Variants in GPRIN2 observed in about 807,000 individuals in gnomAD.
The protein encoded by GPRIN2 is G protein-regulated inducer of neurite outgrowth 2.
A neutral mutation model predicts 0.3 loss-of-function variants in GPRIN2; 1 was observed. The observed-to-expected ratio is 3.90, with a 90% confidence interval of 1.39 to 18.51. GPRIN2 has a LOEUF of 18.51. Among genes scored for constraint, GPRIN2 ranks in the 30% most tolerant of loss-of-function variants. GPRIN2 has a pLI of 0.11. For missense variants in GPRIN2, 880 were observed against 604.2 expected (o/e 1.46, Z -4.79); for synonymous variants, 361 against 258.6 (o/e 1.40, Z -3.80).
Position 46,546,970 on chromosome 10 carries a change from C to T in GPRIN2, c.*2390G>A, listed in dbSNP as rs1410689490. 3.3e-5 allele frequency among the ~76,000 whole-genome samples: 5 copies of T among 152,310 alleles called. No individual in the cohort carries two copies. The highest frequency in any genetic ancestry group is 1.9e-4 in the East Asian group (1 of 5,206). On this transcript the variant is annotated 3_prime_UTR_variant, in exon 3 of 3. Coordinates refer to ENST00000374314, the MANE Select transcript of GPRIN2 (RefSeq NM_001385282.1). ...AAGCCAGGGCAGCATGGAGGTAGCACAGAGTGGCACCCAGCCAGCGTGAAT... is the reference window on the plus strand; with the variant it reads ...AAGCCAGGGCAGCATGGAGGTAGCATAGAGTGGCACCCAGCCAGCGTGAAT...
In GPRIN2 at chr10:46,544,254, A is replaced by G. The variant is rs1452734992; in HGVS notation, c.*5106T>C. Among the ~76,000 whole-genome samples, 2 of 152,304 alleles carry G rather than the reference A, an allele frequency of 1.3e-5. No homozygotes were observed. The highest frequency in any genetic ancestry group is 4.8e-5 in the African/African-American group (2 of 41,488). ...CAGCCTTTCATAATACAAGATGGACAGGAAAGAGGCCAAGGGCAGGCAGTT... is the reference window on the plus strand; with the variant it reads ...CAGCCTTTCATAATACAAGATGGACGGGAAAGAGGCCAAGGGCAGGCAGTT... On this transcript the variant is annotated 3_prime_UTR_variant, in exon 3 of 3. Coordinates refer to ENST00000374314, the MANE Select transcript of GPRIN2 (RefSeq NM_001385282.1).
Position 46,549,605 on chromosome 10 carries a change from G to A in GPRIN2, c.1132C>T (p.Pro378Ser), listed in dbSNP as rs1832660934. The change falls in exon 3 of 3, where the codon CCT becomes TCT. Residue 378 changes from proline (P) to serine (S), a missense_variant. Pro to Ser is a moderately conservative substitution (Grantham distance 74, BLOSUM62 -1). Coordinates refer to ENST00000374314, the MANE Select transcript of GPRIN2 (RefSeq NM_001385282.1). ...LGSSLEEVPSPVRDVRWDAEG... is the reference protein window; with the variant it reads ...LGSSLEEVPSSVRDVRWDAEG... ...GCATCCCATCGCACATCCCGCACAG[G>A]GGACGGCACCTCCTCCAGGCTGGAC... 11 of 1,614,060 alleles carry A rather than the reference G, an allele frequency of 6.8e-6. No homozygotes were observed. The highest frequency in any genetic ancestry group is 1.3e-5 in the African/African-American group (1 of 74,960).
chr10:46,551,004 G>A (rs1842537911), intron 2 of GPRIN2, among the ~76,000 whole-genome samples: 3 of 152,312 alleles, frequency 2.0e-5, no homozygotes, highest in African/African-American at 7.2e-5. Context: ...GCCCTAGGGT[G>A]GGGTCCTGGA....
chr10:46,557,050 T>G (rs1831761733), upstream of GPRIN2, among the ~76,000 whole-genome samples: 1,184 of 148,900 alleles, frequency 8.0e-3, no homozygotes, highest in African/African-American at 0.027. Flanking sequence ...CAGTTCCCCC[T>G]CCGCACCACG....
rs1460056647 is a variant in GPRIN2, at chr10:46,547,830, A to G, written c.*1530T>C. Among the ~76,000 whole-genome samples, 3 of 152,304 alleles carry G rather than the reference A, an allele frequency of 2.0e-5. No individual in the cohort carries two copies. The South Asian group carries it at 6.2e-4, about 31-fold the overall frequency. ...GTGCACCTATGCATATGGGAAAGGC[A>G]TGTTTACGGGTGAGAATGGTCCATC... On this transcript the variant is annotated 3_prime_UTR_variant, in exon 3 of 3. Transcript: ENST00000374314.
chr10:46,552,841 C>T (rs1832090110), intron 2 of GPRIN2, among the ~76,000 whole-genome samples: 20 of 152,400 alleles, frequency 1.3e-4, no homozygotes, highest in East Asian at 3.9e-4. Flanking sequence ...AGCTGCTTCA[C>T]GGGGCTGAAG....
At position 46,547,832 on chromosome 10, in the gene GPRIN2, G is replaced by A. The variant is rs1182173738; in HGVS notation, c.*1528C>T. Among the ~76,000 whole-genome samples, 1 of 152,308 alleles carries A rather than the reference G, an allele frequency of 6.6e-6. No homozygotes were observed. The highest frequency in any genetic ancestry group is 1.5e-5 in the Non-Finnish European group (1 of 68,058). ...GCACCTATGCATATGGGAAAGGCAT[G>A]TTTACGGGTGAGAATGGTCCATCGT... On this transcript the variant is annotated 3_prime_UTR_variant, in exon 3 of 3. Transcript: ENST00000374314.
chr10:46,551,468 G>T (rs1565205575), intron 2 of GPRIN2: 1 of 985,412 alleles, frequency 1.0e-6, no homozygotes. Context: ...TTCCATGAGG[G>T]ACTCATTCAG....
At position 46,547,982 on chromosome 10, in the gene GPRIN2, T is replaced by C. The variant is rs1555015427; in HGVS notation, c.*1378A>G. Among the ~76,000 whole-genome samples, 4 of 152,298 alleles carry C rather than the reference T, an allele frequency of 2.6e-5. No homozygotes were observed. ...CATGAGTCATTTCCACCTCAATGAG[T>C]ACCAGGTCCTTGAGGATGGGGAAAA... On this transcript the variant is annotated 3_prime_UTR_variant, in exon 3 of 3. Transcript: ENST00000374314.
At position 46,550,624 on chromosome 10, in the gene GPRIN2, T is replaced by A. The variant is rs1832300953; in HGVS notation, c.113A>T (p.Glu38Val). ...LLGEGREQRP[E>V]LRKTASSTVW... is the part of the protein sequence containing the mutation. ...GGTGCTGCTGGCAGTCTTGCGGAGC[T>A]CTGGCCTCTGTTCCCGGCCTTCACC... is the stretch of plus-strand genomic sequence containing the variant. The change falls in exon 3 of 3, where the codon GAG becomes GTG. Residue 38 changes from glutamate (E) to valine (V), a missense_variant. Transcript: ENST00000374314. The A allele has an allele frequency of 6.3e-7, 1 of 1,578,850 alleles. No individual in the cohort carries two copies. Among genetic ancestry groups the A allele is most frequent in the South Asian group, 1.2e-5 (1 of 84,526 alleles).
rs1842492258 is a variant in GPRIN2, at chr10:46,550,412, G to A, written c.325C>T (p.Leu109=). The change falls in exon 3 of 3, where the codon CTG becomes TTG. Residue 109 remains leucine (L), a synonymous_variant. Transcript: ENST00000374314. ...STMGGSDLCR[L]RAPSAAAMQR... ...ATAGCAGCAGCACTAGGGGCCCGCA[G>A]GCGACACAGGTCACTGCCGCCCATG... is the stretch of plus-strand genomic sequence containing the variant. The A allele has an allele frequency of 1.2e-6, 2 of 1,611,718 alleles. No homozygotes were observed. The highest frequency in any genetic ancestry group is 8.5e-7 in the Non-Finnish European group (1 of 1,179,660).
At chr10:46,552,761 G>A (rs1029675410) in intron 2 of GPRIN2, among the ~76,000 whole-genome samples, 7 of 152,424 alleles carry the variant, frequency 4.6e-5, no homozygotes, top group African/African-American at 1.4e-4. Flanking sequence ...GGCCACATGA[G>A]GCTAATGGCT....
Position 46,542,702 on chromosome 10 carries a change from A to G in GPRIN2, c.*6658T>C, listed in dbSNP as rs1841851004. 6.6e-6 allele frequency among the ~76,000 whole-genome samples: 1 copy of G among 152,310 alleles called. No individual in the cohort carries two copies. Among genetic ancestry groups the G allele is most frequent in the Non-Finnish European group, 1.5e-5 (1 of 68,056 alleles). ...AAAATGGACTAATATGGAGGGGTCA[A>G]AGACAGAAATCTCCTCCTCCAGTCC... On this transcript the variant is annotated 3_prime_UTR_variant, in exon 3 of 3. Coordinates refer to ENST00000374314, the MANE Select transcript of GPRIN2 (RefSeq NM_001385282.1).
At chr10:46,556,177 G>A (rs1321752421) in intron 1 of GPRIN2, among the ~76,000 whole-genome samples, 2 of 152,308 alleles carry the variant, frequency 1.3e-5, no homozygotes, top group Non-Finnish European at 1.5e-5. Flanking sequence ...GTAGGCTGAG[G>A]GAGGGGAAAA....
rs1842464033 is a variant in GPRIN2, at chr10:46,549,861, G to A, written c.876C>T (p.Cys292=). 1 of 1,614,160 alleles carries A rather than the reference G, an allele frequency of 6.2e-7. No individual in the cohort carries two copies. Among genetic ancestry groups the A allele is most frequent in the African/African-American group, 1.3e-5 (1 of 74,968 alleles). The change falls in exon 3 of 3, where the codon TGC becomes TGT. Residue 292 remains cysteine, a synonymous_variant. Transcript: ENST00000374314. ...CAGCGGGACCCCAAAGGTGGGCACA[G>A]CAATGGGAATGCCCAGGGAGCCCCC... ...LSGGLPGHSH[C]CAHLWGPAGL... is the part of the protein sequence containing the mutation.
Position 46,541,919 on chromosome 10 carries a change from C to T in GPRIN2, c.*7441G>A, listed in dbSNP as rs1841794729. 6.6e-6 allele frequency among the ~76,000 whole-genome samples: 1 copy of T among 152,296 alleles called. No individual in the cohort carries two copies. Among genetic ancestry groups the T allele is most frequent in the African/African-American group, 2.4e-5 (1 of 41,482 alleles). ...CACACCCCTGCTGGTTCCTGCCCCA[C>T]CCCTTCCCCCAGCCCAGGAGGCTTC... is the stretch of plus-strand genomic sequence containing the variant. On this transcript the variant is annotated 3_prime_UTR_variant, in exon 3 of 3. Coordinates refer to ENST00000374314, the MANE Select transcript of GPRIN2 (RefSeq NM_001385282.1).
At position 46,549,709 on chromosome 10, in the gene GPRIN2, G is replaced by A. The variant is rs143570360; in HGVS notation, c.1028C>T (p.Ala343Val). 1,862 of 1,612,652 alleles carry A rather than the reference G, an allele frequency of 1.2e-3. No homozygotes were observed. Among genetic ancestry groups the A allele is most frequent in the Non-Finnish European group, 1.5e-3 (1,737 of 1,178,666 alleles). ...QDAGVQAAPV[A>V]ACKAVATSPS... Reference sequence around the variant, plus strand: ...ACTGGTGGCCACAGCCTTGCAGGCCGCCACTGGGGCCGCCTGCACACCAGC... The same window carrying A: ...ACTGGTGGCCACAGCCTTGCAGGCCACCACTGGGGCCGCCTGCACACCAGC... The change falls in exon 3 of 3, where the codon GCG becomes GTG. Residue 343 changes from alanine (A) to valine (V), a missense_variant. By Grantham distance (64) the Ala-to-Val change is moderately conservative. Transcript: ENST00000374314.
intron 1 of GPRIN2, among the ~76,000 whole-genome samples, chr10:46,555,936 A>ATG (rs1843158344): frequency 1.3e-5 from 2 of 152,310 alleles, no homozygotes; most frequent in Non-Finnish European, 2.9e-5. Flanking sequence ...CAAAGGCCTG[A>ATG]AAGCACCGCA....
rs1335957398 is a variant in GPRIN2 at position 46,543,009 on chromosome 10, T to C, written c.*6351A>G. Among the ~76,000 whole-genome samples, 4 of 152,308 alleles carry C rather than the reference T, an allele frequency of 2.6e-5. No homozygotes were observed. The highest frequency in any genetic ancestry group is 9.6e-5 in the African/African-American group (4 of 41,486). Reference sequence around the variant, plus strand: ...TGCCCTTCCAGCCCGACCAAAGTCCTTCCATTCACCCAGCAGGGCCACTGA... The same window carrying C: ...TGCCCTTCCAGCCCGACCAAAGTCCCTCCATTCACCCAGCAGGGCCACTGA... On this transcript the variant is annotated 3_prime_UTR_variant, in exon 3 of 3. Coordinates refer to ENST00000374314, the MANE Select transcript of GPRIN2 (RefSeq NM_001385282.1).
Sources: gnomAD v4.1 joint callset for allele counts (sites outside exome capture counted in the v4.1 genomes callset) on GRCh38, gnomAD v4.1.1 for gene constraint, MANE v1.5 for transcripts, NCBI Gene and HGNC (gene_info 2026-07-23, HGNC 2026-07-21) for gene names.